Variants in ADGB observed in about 807,000 individuals in gnomAD.
The protein encoded by ADGB is calpain-7-like protein.
A neutral mutation model predicts 210.5 loss-of-function variants in ADGB; 172 were observed. That is an observed-to-expected ratio of 0.82 (90% CI 0.72 to 0.93). The LOEUF (loss-of-function observed/expected upper bound fraction) is 0.93, where lower values mean the gene tolerates loss of function less well. ADGB is among the 40% of genes least tolerant of loss of function. ADGB has a pLI of 0.00. For missense variants in ADGB, 2,025 were observed against 1,964.8 expected, an observed-to-expected ratio of 1.03 and a Z score of -0.58; for synonymous variants, 658 against 662.7, an observed-to-expected ratio of 0.99 and a Z score of 0.11.
chr6:146,647,628 T>A (rs1288884743), intron 3 of ADGB, among the ~76,000 whole-genome samples: 1 of 152,110 alleles, frequency 6.6e-6, no homozygotes, highest in African/African-American at 2.4e-5. Context: ...TTTATTACTT[T>A]TATTTTATTT....
intron 26 of ADGB, 78 bp downstream of exon 26, chr6:146,746,187 A>G (rs940704972): frequency 1.4e-5 from 15 of 1,068,916 alleles, no homozygotes; most frequent in Non-Finnish European, 2.0e-5. Flanking sequence ...ATTCTGCAGT[A>G]AAATCCTGAG....
intron 2 of ADGB, among the ~76,000 whole-genome samples, chr6:146,640,290 G>C (rs1775487645): frequency 6.6e-6 from 1 of 151,906 alleles, no homozygotes; most frequent in Admixed American, 6.6e-5. Flanking sequence ...CCAAACAAAA[G>C]CTCGGGACCT....
chr6:146,641,836 T>C (rs1775519452), intron 2 of ADGB, among the ~76,000 whole-genome samples: 1 of 152,018 alleles, frequency 6.6e-6, no homozygotes, highest in African/African-American at 2.4e-5. Flanking sequence ...ATCCTGGACA[T>C]AGAAATGGGC....
chr6:146,787,968 A>G (rs1263446155), intron 32 of ADGB, among the ~76,000 whole-genome samples: 1 of 152,204 alleles, frequency 6.6e-6, no homozygotes, highest in African/African-American at 2.4e-5. Flanking sequence ...AGCTCTGTTC[A>G]GCTCTATTTT....
chr6:146,729,812 G>A (rs754771453), intron 20 of ADGB, among the ~76,000 whole-genome samples: 15 of 152,048 alleles, frequency 9.9e-5, no homozygotes, highest in Non-Finnish European at 1.9e-4. Flanking sequence ...CTTTTCTTCT[G>A]GGTTATCCAA....
At chr6:146,647,099 AAAAAACAAAAAAC>A in intron 3 of ADGB, among the ~76,000 whole-genome samples, 1 of 65,862 alleles carries the variant, frequency 1.5e-5, no homozygotes, top group East Asian at 3.8e-4. Flanking sequence ...AAAAAAAAAC[AAAAAACAAAAAAC>A]AAAAAACAAA....
chr6:146,714,993 A>G (rs544944011), intron 13 of ADGB, among the ~76,000 whole-genome samples: 7 of 152,338 alleles, frequency 4.6e-5, no homozygotes, highest in African/African-American at 1.4e-4. Context: ...AATTGAAATC[A>G]GCCTTTTTAG....
At chr6:146,729,062 A>T (rs1236224438) in intron 20 of ADGB, among the ~76,000 whole-genome samples, 2 of 152,204 alleles carry the variant, frequency 1.3e-5, no homozygotes, top group Non-Finnish European at 2.9e-5. Flanking sequence ...CTTCTCCACC[A>T]ACTCTTTTCC....
intron 16 of ADGB, 114 bp from the exon 17 acceptor site, chr6:146,721,289 C>A: frequency 1.5e-6 from 1 of 684,998 alleles, no homozygotes; most frequent in Non-Finnish European, 2.5e-6. Context: ...GTGGTGCCTA[C>A]AACACAGTAA....
intron 10 of ADGB, 26 bp from the exon 11 acceptor site, chr6:146,691,090 T>A (rs1776299240): frequency 6.7e-7 from 1 of 1,503,492 alleles, no homozygotes. Context: ...AGGAGAATGC[T>A]TTTCAATTTA....
At chr6:146,711,308 C>T (rs1776653169) in intron 13 of ADGB, among the ~76,000 whole-genome samples, 1 of 152,088 alleles carries the variant, frequency 6.6e-6, no homozygotes, top group East Asian at 1.9e-4. Context: ...ACCTCTCTAT[C>T]CATCATTTTC....
At chr6:146,761,630 T>A (rs954238954) in intron 27 of ADGB, among the ~76,000 whole-genome samples, 6 of 152,110 alleles carry the variant, frequency 3.9e-5, no homozygotes, top group African/African-American at 1.4e-4. Flanking sequence ...AGTCAGCAGA[T>A]GGTGCATATA....
chr6:146,600,630 CCCTGTCTT>C (rs1171997696), intron 1 of ADGB, among the ~76,000 whole-genome samples: 8 of 152,076 alleles, frequency 5.3e-5, no homozygotes, highest in Admixed American at 4.6e-4. Context: ...AAACAAAGCT[CCCTGTCTT>C]CCTTCACTGT....
At chr6:146,685,634 G>A (rs145813009) in intron 9 of ADGB, 100 bp from the exon 10 acceptor site, 48 of 537,926 alleles carry the variant, frequency 8.9e-5, no homozygotes, top group African/African-American at 3.8e-4. Context: ...TCACCAGCCC[G>A]AAGATAAATT....
At chr6:146,615,935 G>T (rs1473990186) in intron 1 of ADGB, among the ~76,000 whole-genome samples, 1 of 152,130 alleles carries the variant, frequency 6.6e-6, no homozygotes, top group Non-Finnish European at 1.5e-5. Context: ...ATCCATTAGT[G>T]AGATTGCTAT....
intron 1 of ADGB, among the ~76,000 whole-genome samples, chr6:146,603,250 C>G (rs981022081): frequency 6.6e-6 from 1 of 152,080 alleles, no homozygotes; most frequent in Non-Finnish European, 1.5e-5. Flanking sequence ...GATTTGAAAA[C>G]TAATAAGTGC....
intron 35 of ADGB, among the ~76,000 whole-genome samples, chr6:146,813,988 T>C (rs1453873285): frequency 1.8e-5 from 2 of 114,092 alleles, no homozygotes; most frequent in African/African-American, 8.3e-5. Context: ...ATTAAACATA[T>C]TTACAAACTC....
chr6:146,803,486 C>T (rs1437390397), intron 35 of ADGB: 1 of 1,605,494 alleles, frequency 6.2e-7, no homozygotes. Flanking sequence ...GGATGATGAA[C>T]TTTCTTTCTG....
At chr6:146,803,679 G>T (rs1778165749) in intron 35 of ADGB, 4 of 1,263,248 alleles carry the variant, frequency 3.2e-6, no homozygotes, top group Admixed American at 1.8e-5. Flanking sequence ...CAAAAGTTCC[G>T]TTTTTTAACA....
Sources: allele counts gnomAD v4.1 joint callset (sites outside exome capture counted in the v4.1 genomes callset), GRCh38; gene constraint gnomAD v4.1.1; transcripts MANE v1.5; gene names NCBI Gene and HGNC (gene_info 2026-07-23, HGNC 2026-07-21).